Variants in SLC10A7 observed in about 807,000 individuals in gnomAD.
The protein encoded by SLC10A7 is solute carrier family 10 member 7.
Under a neutral mutation model 43.2 loss-of-function variants are expected in SLC10A7, and 29 were observed. That is an observed-to-expected ratio of 0.67 (90% CI 0.50 to 0.92). SLC10A7 has a LOEUF of 0.92. Among genes scored for constraint, SLC10A7 ranks in the 40% least tolerant of loss-of-function variants. The pLI is 0.00. For missense variants in SLC10A7, 295 were observed against 403.2 expected (o/e 0.73, Z 2.30); for synonymous variants, 152 against 144.8 (o/e 1.05, Z -0.35).
At chr4:146,506,084 C>T (rs1482417234) in intron 3 of SLC10A7, among the ~76,000 whole-genome samples, 1 of 152,206 alleles carries the variant, frequency 6.6e-6, no homozygotes, top group Non-Finnish European at 1.5e-5. Flanking sequence ...CATTTTCAAT[C>T]TTTTTAGCTT....
At chr4:146,286,682 G>T (rs528103888) in intron 9 of SLC10A7, among the ~76,000 whole-genome samples, 1 of 149,838 alleles carries the variant, frequency 6.7e-6, no homozygotes. Flanking sequence ...GACCGTGTCT[G>T]GAGTGGTGAG....
In SLC10A7 at chr4:146,272,270, C is replaced by T. The variant is rs190223046; in HGVS notation, c.847+10922G>A. Among the ~76,000 whole-genome samples, 11 of 152,306 alleles carry T rather than the reference C, an allele frequency of 7.2e-5. No individual in the cohort carries two copies. In the East Asian group the frequency reaches 1.7e-3, roughly 24 times the overall value. On this transcript the variant is annotated intron_variant, in intron 10 of 11. Transcript: ENST00000335472. Reference sequence around the variant, plus strand: ...ACAGCTACAATTTCATTAACATGCTCAGCTTCGGTACAGATGACATTCCAA... The same window carrying T: ...ACAGCTACAATTTCATTAACATGCTTAGCTTCGGTACAGATGACATTCCAA...
At chr4:146,271,885 T>G (rs988416085) in intron 10 of SLC10A7, among the ~76,000 whole-genome samples, 8 of 152,150 alleles carry the variant, frequency 5.3e-5, no homozygotes, top group Non-Finnish European at 8.8e-5. Context: ...GCTCCCTATT[T>G]CCTTCAGGTA....
At chr4:146,432,821 C>T (rs569531523) in intron 5 of SLC10A7, among the ~76,000 whole-genome samples, 1 of 152,178 alleles carries the variant, frequency 6.6e-6, no homozygotes, top group Non-Finnish European at 1.5e-5. Flanking sequence ...GGGCAGATCA[C>T]GAGGTCAGGA....
At chr4:146,258,918 C>T (rs1728046877) in intron 10 of SLC10A7, 81 bp from the exon 11 acceptor site, 3 of 1,456,632 alleles carry the variant, frequency 2.1e-6, no homozygotes, top group Admixed American at 2.2e-5. Context: ...AAAATCAGAA[C>T]TTTGGAATAG....
At position 146,513,138 on chromosome 4, in the gene SLC10A7, G is replaced by A. The variant is rs140400420; in HGVS notation, c.184-3089C>T. On this transcript the variant is annotated intron_variant, in intron 2 of 11. Transcript: ENST00000335472. ...GAAGAAAACTGGATAGTTGGTGGAA[G>A]AGTGAAAAAAAAAAGACTTATACAT... Among the ~76,000 whole-genome samples the A allele has an allele frequency of 1.5e-3, 221 of 150,278 alleles. 1 individual carries two copies. The highest frequency in any genetic ancestry group is 5.0e-3 in the African/African-American group (204 of 41,072).
At chr4:146,343,149 C>T (rs996440339) in intron 5 of SLC10A7, among the ~76,000 whole-genome samples, 2 of 151,898 alleles carry the variant, frequency 1.3e-5, no homozygotes, top group Admixed American at 6.6e-5. Context: ...ATTATACATC[C>T]TTGTCAAACA....
At chr4:146,516,335 G>A (rs1737956011) in intron 2 of SLC10A7, among the ~76,000 whole-genome samples, 1 of 151,090 alleles carries the variant, frequency 6.6e-6, no homozygotes. Context: ...TTACTTCCAA[G>A]AGAATCTCAT....
intron 5 of SLC10A7, among the ~76,000 whole-genome samples, chr4:146,428,106 G>A (rs1218838448): frequency 6.6e-6 from 1 of 152,132 alleles, no homozygotes; most frequent in African/African-American, 2.4e-5. Flanking sequence ...GAGCCTGGGA[G>A]GTTGAGGCTG....
At chr4:146,484,676 G>A (rs147787661) in intron 4 of SLC10A7, among the ~76,000 whole-genome samples, 21 of 151,986 alleles carry the variant, frequency 1.4e-4, no homozygotes, top group African/African-American at 5.1e-4. Flanking sequence ...GCCAGATATG[G>A]GATTTATGCT....
intron 7 of SLC10A7, among the ~76,000 whole-genome samples, chr4:146,301,255 A>G (rs1237239943): frequency 6.6e-6 from 1 of 152,206 alleles, no homozygotes; most frequent in Non-Finnish European, 1.5e-5. Context: ...CTCTGTAACA[A>G]GTCTTCAACA....
intron 9 of SLC10A7, among the ~76,000 whole-genome samples, chr4:146,292,598 A>G (rs116599961): frequency 0.013 from 1,971 of 152,332 alleles, 20 homozygotes; most frequent in Non-Finnish European, 0.02. Context: ...TAAATGGTAA[A>G]TGAAACATAG....
chr4:146,328,790 C>A (rs769341027), intron 5 of SLC10A7, among the ~76,000 whole-genome samples: 1 of 152,136 alleles, frequency 6.6e-6, no homozygotes, highest in Non-Finnish European at 1.5e-5. Context: ...ACCTACCAAA[C>A]CAACACTATA....
chr4:146,256,801 A>C (rs1727915822), intron 11 of SLC10A7: 1 of 1,491,460 alleles, frequency 6.7e-7, no homozygotes, highest in African/African-American at 1.4e-5. Flanking sequence ...ACTGTGTGCA[A>C]AGCAGAGGAG....
rs368550711 is a variant in SLC10A7 at position 146,388,274 on chromosome 4, C to A, written c.435+54509G>T. On this transcript the variant is annotated intron_variant, in intron 5 of 11. Coordinates refer to ENST00000335472, the MANE Select transcript of SLC10A7 (RefSeq NM_001029998.6). ...AGAACCCAGAAATAAGGCCACATAC[C>A]TACAACCAACTGACCTTTGACAAAG... is the stretch of plus-strand genomic sequence containing the variant. Among the ~76,000 whole-genome samples, 178 of 152,188 alleles carry A rather than the reference C, an allele frequency of 1.2e-3. 3 individuals carry two copies. The South Asian group carries it at 0.031, about 26-fold the overall frequency.
At chr4:146,465,295 C>T (rs372387893) in intron 4 of SLC10A7, among the ~76,000 whole-genome samples, 4 of 152,080 alleles carry the variant, frequency 2.6e-5, no homozygotes, top group African/African-American at 7.2e-5. Context: ...TATACTTTTG[C>T]TTTTAAAACT....
At chr4:146,366,267 A>C (rs963947601) in intron 5 of SLC10A7, among the ~76,000 whole-genome samples, 3 of 152,216 alleles carry the variant, frequency 2.0e-5, no homozygotes, top group Non-Finnish European at 4.4e-5. Context: ...TTTAAAAGGT[A>C]TATGTATTAT....
intron 5 of SLC10A7, among the ~76,000 whole-genome samples, chr4:146,402,632 G>A (rs1739300476): frequency 6.6e-6 from 1 of 152,152 alleles, no homozygotes; most frequent in African/African-American, 2.4e-5. Flanking sequence ...GAAAAAAGGG[G>A]GCAGGGGGAC....
At chr4:146,437,060 T>C (rs1365462412) in intron 5 of SLC10A7, among the ~76,000 whole-genome samples, 1 of 152,136 alleles carries the variant, frequency 6.6e-6, no homozygotes, top group Non-Finnish European at 1.5e-5. Context: ...TATTTTATTA[T>C]TTCTTCCCCA....
Sources: gnomAD v4.1 joint callset for allele counts (sites outside exome capture counted in the v4.1 genomes callset) on GRCh38, gnomAD v4.1.1 for gene constraint, MANE v1.5 for transcripts, NCBI Gene and HGNC (gene_info 2026-07-23, HGNC 2026-07-21) for gene names.